MGMT: variants seen among roughly 807,000 people sequenced by gnomAD.
MGMT encodes the protein methylated-DNA--protein-cysteine methyltransferase.
In MGMT, 14 loss-of-function variants were observed where a neutral mutation model predicts 15.9. That is an observed-to-expected ratio of 0.88 (90% CI 0.58 to 1.37). The LOEUF (loss-of-function observed/expected upper bound fraction) is 1.37. Among genes scored for constraint, MGMT ranks in the 40% most tolerant of loss-of-function variants. The pLI, the probability that MGMT is intolerant of heterozygous loss-of-function variation, is 0.00. For synonymous variants in MGMT, 130 were observed against 118.2 expected (o/e 1.10, Z -0.65); for missense variants, 282 against 268.1 (o/e 1.05, Z -0.36).
At chr10:129,697,227 A>G (rs914662528) in intron 2 of MGMT, among the ~76,000 whole-genome samples, 1 of 152,254 alleles carries the variant, frequency 6.6e-6, no homozygotes, top group Non-Finnish European at 1.5e-5. Context: ...CATAGAGATC[A>G]TAGAAGTAAC....
chr10:129,692,397 T>C (rs1847979898), intron 2 of MGMT, among the ~76,000 whole-genome samples: 1 of 152,168 alleles, frequency 6.6e-6, no homozygotes, highest in African/African-American at 2.4e-5. Context: ...AAGAATTATC[T>C]CAGCCTTAGT....
chr10:129,472,050 C>G (rs547960288), intron 1 of MGMT, among the ~76,000 whole-genome samples: 2 of 152,332 alleles, frequency 1.3e-5, no homozygotes, highest in South Asian at 2.1e-4. Context: ...ACGGGCAACC[C>G]GTATCATATT....
At position 129,542,642 on chromosome 10, in the gene MGMT, T is replaced by G. The variant is rs138566822; in HGVS notation, c.125+6265T>G. Among the ~76,000 whole-genome samples the G allele has an allele frequency of 2.0e-5, 3 of 152,368 alleles. No individual in the cohort carries two copies. The East Asian group carries it at 5.8e-4, about 29-fold the overall frequency. ...GTTGTATGTGCTTAAAAAATGTGAT[T>G]ATTTTACTTTATAGAGTGTTCCTTA... On this transcript the variant is annotated intron_variant, in intron 2 of 4. Transcript: ENST00000651593.
At chr10:129,537,802 T>C (rs888484752) in intron 2 of MGMT, among the ~76,000 whole-genome samples, 2 of 152,228 alleles carry the variant, frequency 1.3e-5, no homozygotes, top group Non-Finnish European at 2.9e-5. Flanking sequence ...TCTGGCTGAT[T>C]GCTCTCATGA....
intron 2 of MGMT, among the ~76,000 whole-genome samples, chr10:129,570,118 C>T (rs1324799531): frequency 1.3e-5 from 2 of 152,218 alleles, no homozygotes; most frequent in South Asian, 2.1e-4. Flanking sequence ...CGTGCATGGC[C>T]GCAGCAGACT....
intron 2 of MGMT, among the ~76,000 whole-genome samples, chr10:129,558,111 G>GC (rs1846236252): frequency 6.6e-6 from 1 of 152,166 alleles, no homozygotes; most frequent in African/African-American, 2.4e-5. Flanking sequence ...CCCCCTGTGC[G>GC]CCCGGGGTCA....
intron 2 of MGMT, among the ~76,000 whole-genome samples, chr10:129,559,823 C>T (rs573871470): frequency 6.6e-6 from 1 of 152,230 alleles, no homozygotes; most frequent in Admixed American, 6.5e-5. Context: ...CATCTTTGTT[C>T]TCAGAAGAGG....
chr10:129,703,521 G>A (rs533761695), intron 2 of MGMT, among the ~76,000 whole-genome samples: 1 of 152,304 alleles, frequency 6.6e-6, no homozygotes, highest in African/African-American at 2.4e-5. Context: ...TCTGCGGGGT[G>A]TGATGGCCAG....
chr10:129,763,734 CA>C lies in MGMT; in HGVS notation c.415-3053del, dbSNP rs570176839. Reference sequence around the variant, plus strand: ...ATTGTGTATTATCTAATAATGCCCTCACAGCAATTATTAATGGGACTGTTGT... The same window carrying C: ...ATTGTGTATTATCTAATAATGCCCTCCAGCAATTATTAATGGGACTGTTGT... On this transcript the variant is annotated intron_variant, in intron 4 of 4. Coordinates refer to ENST00000651593, the MANE Select transcript of MGMT (RefSeq NM_002412.5). Among the ~76,000 whole-genome samples the C allele has an allele frequency of 3.4e-4, 52 of 152,282 alleles. 2 individuals are homozygous for C. The highest frequency in any genetic ancestry group is 6.8e-3 in the Middle Eastern group (2 of 294).
At chr10:129,526,141 A>G (rs773173022) in intron 1 of MGMT, among the ~76,000 whole-genome samples, 2 of 152,166 alleles carry the variant, frequency 1.3e-5, no homozygotes, top group Non-Finnish European at 2.9e-5. Context: ...GTGGCCCTTT[A>G]TACTTGGTGA....
intron 2 of MGMT, among the ~76,000 whole-genome samples, chr10:129,590,647 T>G (rs1397988337): frequency 6.6e-6 from 1 of 152,250 alleles, no homozygotes; most frequent in Admixed American, 6.5e-5. Context: ...CACAGTCTAA[T>G]GAGAAACTCA....
intron 2 of MGMT, among the ~76,000 whole-genome samples, chr10:129,559,089 G>A (rs188182648): frequency 1.4e-4 from 22 of 152,192 alleles, no homozygotes; most frequent in African/African-American, 4.8e-4. Context: ...TTTCTGCGTC[G>A]GAACGTGGTG....
At chr10:129,561,333 G>A (rs1195881416) in intron 2 of MGMT, among the ~76,000 whole-genome samples, 6 of 152,042 alleles carry the variant, frequency 3.9e-5, no homozygotes, top group Admixed American at 1.3e-4. Flanking sequence ...GCGGTGAGAC[G>A]GCGAGCGAGG....
chr10:129,568,623 A>G (rs1846382331), intron 2 of MGMT, among the ~76,000 whole-genome samples: 1 of 152,200 alleles, frequency 6.6e-6, no homozygotes, highest in Non-Finnish European at 1.5e-5. Flanking sequence ...AATTAAGAGG[A>G]AAAAAAGGTA....
intron 1 of MGMT, among the ~76,000 whole-genome samples, chr10:129,495,333 G>A (rs1199186600): frequency 1.3e-5 from 2 of 152,312 alleles, no homozygotes; most frequent in East Asian, 3.9e-4. Context: ...CAAAATATCT[G>A]CATTGTGAAA....
chr10:129,598,539 G>T lies in MGMT; in HGVS notation c.125+62162G>T, dbSNP rs75650233. On this transcript the variant is annotated intron_variant, in intron 2 of 4. Transcript: ENST00000651593. ...TCAGGAAGTTAAAGTGGAAAACTGT[G>T]CTCCGGAATAAACACAATTGGGAGA... 2.6e-5 allele frequency among the ~76,000 whole-genome samples: 4 copies of T among 152,266 alleles called. No individual in the cohort carries two copies. The East Asian group carries it at 7.7e-4, about 29-fold the overall frequency.
intron 3 of MGMT, among the ~76,000 whole-genome samples, chr10:129,713,545 C>T (rs962827932): frequency 1.3e-5 from 2 of 152,218 alleles, no homozygotes; most frequent in South Asian, 2.1e-4. Context: ...GAATGAGTAC[C>T]GGGGCCGCCA....
At chr10:129,571,402 C>T (rs1437935463) in intron 2 of MGMT, among the ~76,000 whole-genome samples, 2 of 152,190 alleles carry the variant, frequency 1.3e-5, no homozygotes, top group Admixed American at 6.5e-5. Context: ...GCCTGCTACC[C>T]AGCTCTGAAC....
At chr10:129,552,300 G>T (rs1846166468) in intron 2 of MGMT, among the ~76,000 whole-genome samples, 1 of 152,164 alleles carries the variant, frequency 6.6e-6, no homozygotes, top group Non-Finnish European at 1.5e-5. Context: ...ACACCCGGTG[G>T]GGCCCTCTGT....
Sources: gnomAD v4.1 joint callset for allele counts (sites outside exome capture counted in the v4.1 genomes callset) on GRCh38, gnomAD v4.1.1 for gene constraint, MANE v1.5 for transcripts, NCBI Gene and HGNC (gene_info 2026-07-23, HGNC 2026-07-21) for gene names.